AFAP1L1: variants seen among roughly 807,000 people sequenced by gnomAD.
AFAP1L1 encodes the protein actin filament associated protein 1 like 1, also known as actin filament-associated protein 1-like 1.
In AFAP1L1, 77 loss-of-function variants were observed where a neutral mutation model predicts 99.8. The ratio of observed to expected loss-of-function variants is 0.77; its 90% CI spans 0.64 to 0.93. AFAP1L1 has a LOEUF of 0.93. Among genes scored for constraint, AFAP1L1 ranks in the 40% least tolerant of loss-of-function variants. The pLI is 0.00. For synonymous variants in AFAP1L1, 373 were observed against 395.3 expected, an observed-to-expected ratio of 0.94 and a Z score of 0.67; for missense variants, 893 against 996.8, an observed-to-expected ratio of 0.90 and a Z score of 1.40.
chr5:149,339,677 C>T (rs1264482384), intron 18 of AFAP1L1, among the ~76,000 whole-genome samples: 1 of 152,162 alleles, frequency 6.6e-6, no homozygotes, highest in Non-Finnish European at 1.5e-5. Context: ...TCATCTAAAG[C>T]CTTTCAGGCC....
At chr5:149,309,057 GC>G (rs1290556279) in intron 7 of AFAP1L1, among the ~76,000 whole-genome samples, 5 of 152,122 alleles carry the variant, frequency 3.3e-5, no homozygotes, top group Non-Finnish European at 7.4e-5. Flanking sequence ...GCTGCAGTGA[GC>G]TATGATCACA....
chr5:149,339,570 AT>A (rs1045452094), intron 18 of AFAP1L1, among the ~76,000 whole-genome samples: 5 of 151,304 alleles, frequency 3.3e-5, no homozygotes, highest in South Asian at 4.2e-4. Flanking sequence ...TCTTCTTTTG[AT>A]TTTTTTTTCC....
At chr5:149,281,820 A>G (rs1282000948) in intron 1 of AFAP1L1, among the ~76,000 whole-genome samples, 2 of 152,186 alleles carry the variant, frequency 1.3e-5, no homozygotes, top group South Asian at 4.1e-4. Flanking sequence ...CTAGGTAAAG[A>G]TTTCTAAGTG....
Position 149,342,868 on chromosome 5 carries a change from C to T in AFAP1L1, c.*2838C>T, listed in dbSNP as rs1757596286. On this transcript the variant is annotated 3_prime_UTR_variant, in exon 19 of 19. Coordinates refer to ENST00000296721, the MANE Select transcript of AFAP1L1 (RefSeq NM_152406.4). Reference sequence around the variant, plus strand: ...TGGAGGTTGCAGTGAGCCGAGATCGCACCACTGCACTCCAGCCTGGGCAAT... The same window carrying T: ...TGGAGGTTGCAGTGAGCCGAGATCGTACCACTGCACTCCAGCCTGGGCAAT... Among the ~76,000 whole-genome samples, 2 of 151,616 alleles carry T rather than the reference C, an allele frequency of 1.3e-5. No homozygotes were observed. The highest frequency in any genetic ancestry group is 2.9e-5 in the Non-Finnish European group (2 of 67,952).
At chr5:149,309,030 G>A (rs756123550) in intron 7 of AFAP1L1, among the ~76,000 whole-genome samples, 3 of 152,004 alleles carry the variant, frequency 2.0e-5, no homozygotes, top group Non-Finnish European at 2.9e-5. Context: ...AAGATTGCTT[G>A]AGCCTGGGAG....
intron 1 of AFAP1L1, among the ~76,000 whole-genome samples, chr5:149,285,243 G>A (rs1755641225): frequency 6.6e-6 from 1 of 152,104 alleles, no homozygotes; most frequent in Admixed American, 6.5e-5. Flanking sequence ...GATAGTCAGA[G>A]TGGCCATCTG....
chr5:149,321,753 T>C (rs947051257), intron 14 of AFAP1L1, among the ~76,000 whole-genome samples: 3 of 139,008 alleles, frequency 2.2e-5, no homozygotes, highest in African/African-American at 8.2e-5. Context: ...AAAAACAACG[T>C]TTAGGCTGGG....
intron 5 of AFAP1L1, among the ~76,000 whole-genome samples, chr5:149,305,902 ACACACACACACACACACAC>A (rs1756393834): frequency 6.6e-6 from 1 of 151,656 alleles, no homozygotes; most frequent in African/African-American, 2.4e-5. Context: ...ACACACACAC[ACACACACACACACACACAC>A]CATGCACACA....
chr5:149,272,264 C>T (rs552800520), intron 1 of AFAP1L1, among the ~76,000 whole-genome samples: 1 of 152,346 alleles, frequency 6.6e-6, no homozygotes, highest in South Asian at 2.1e-4. Flanking sequence ...TAAAAGATCC[C>T]CCTCTAGTTT....
intron 1 of AFAP1L1, among the ~76,000 whole-genome samples, chr5:149,275,650 C>T (rs548699849): frequency 6.6e-4 from 101 of 152,188 alleles, no homozygotes; most frequent in African/African-American, 2.4e-3. Flanking sequence ...GGACTACAGG[C>T]GTGCACCACC....
chr5:149,338,488 T>A (rs1581349940), intron 18 of AFAP1L1, among the ~76,000 whole-genome samples: 1 of 152,282 alleles, frequency 6.6e-6, no homozygotes, highest in African/African-American at 2.4e-5. Flanking sequence ...TGGCTCTATG[T>A]CTAGGCTGGA....
chr5:149,305,187 C>T (rs1561671106), intron 5 of AFAP1L1, among the ~76,000 whole-genome samples: 1 of 152,174 alleles, frequency 6.6e-6, no homozygotes, highest in Non-Finnish European at 1.5e-5. Context: ...CATTGTATCA[C>T]TAAGCCAAGG....
At chr5:149,312,388 C>T in intron 9 of AFAP1L1, 184 bp downstream of exon 9, 1 of 670,800 alleles carries the variant, frequency 1.5e-6, no homozygotes, top group Non-Finnish European at 2.7e-6. Context: ...AATGCATGAA[C>T]AAACGAGTGC....
intron 15 of AFAP1L1, among the ~76,000 whole-genome samples, chr5:149,324,719 G>T (rs1757046590): frequency 1.3e-5 from 2 of 152,160 alleles, no homozygotes; most frequent in Admixed American, 1.3e-4. Flanking sequence ...GGCTTGACAG[G>T]CTGAAGGATC....
In AFAP1L1 at chr5:149,309,880, G is replaced by A. The variant is rs74749835; in HGVS notation, c.748-76G>A. The A allele has an allele frequency of 5.1e-3, 8,186 of 1,597,836 alleles. 29 individuals are homozygous for A. Among genetic ancestry groups the A allele is most frequent in the South Asian group, 7.6e-3 (681 of 89,196 alleles). On this transcript the variant is annotated intron_variant, in intron 7 of 18. Coordinates refer to ENST00000296721, the MANE Select transcript of AFAP1L1 (RefSeq NM_152406.4). ...TCTAAAGGGAGGTCGGGCTTCCCCC[G>A]AGCCTTTGTGTGAGGATGTCTCCCT...
rs575776407 is a variant in AFAP1L1, at chr5:149,314,923, G to A, written c.1021-898G>A. 8.7e-4 allele frequency among the ~76,000 whole-genome samples: 132 copies of A among 152,286 alleles called. 4 individuals carry two copies. In the South Asian group the frequency reaches 0.027, roughly 32 times the overall value. On this transcript the variant is annotated intron_variant, in intron 9 of 18. Coordinates refer to ENST00000296721, the MANE Select transcript of AFAP1L1 (RefSeq NM_152406.4). ...AGAAAGATGGCAGCACATCACACAGGTGTTAGAAATGATACAGTCCATGGG... is the reference window on the plus strand; with the variant it reads ...AGAAAGATGGCAGCACATCACACAGATGTTAGAAATGATACAGTCCATGGG...
intron 15 of AFAP1L1, 120 bp from the exon 16 acceptor site, chr5:149,329,545 AG>A (rs1301415854): frequency 1.0e-6 from 1 of 998,570 alleles, no homozygotes; most frequent in East Asian, 2.7e-5. Flanking sequence ...CTAAGGGACT[AG>A]GTCTAAATAT....
intron 1 of AFAP1L1, among the ~76,000 whole-genome samples, chr5:149,275,283 G>C (rs951968279): frequency 6.6e-6 from 1 of 152,148 alleles, no homozygotes; most frequent in Non-Finnish European, 1.5e-5. Flanking sequence ...TGCAACAACA[G>C]AAATTAATTT....
chr5:149,292,619 C>T (rs1581301388), intron 1 of AFAP1L1, among the ~76,000 whole-genome samples: 1 of 152,322 alleles, frequency 6.6e-6, no homozygotes, highest in Admixed American at 6.5e-5. Flanking sequence ...GCCTCTGTCT[C>T]ACTTAAAAGA....
Sources: allele counts gnomAD v4.1 joint callset (sites outside exome capture counted in the v4.1 genomes callset), GRCh38; gene constraint gnomAD v4.1.1; transcripts MANE v1.5; gene names NCBI Gene and HGNC (gene_info 2026-07-23, HGNC 2026-07-21).